MAP2K7: variants seen among roughly 807,000 people sequenced by gnomAD.
MAP2K7 encodes the protein dual specificity mitogen-activated protein kinase kinase 7.
In MAP2K7, 12 loss-of-function variants were observed where a neutral mutation model predicts 47.7. The observed-to-expected ratio is 0.25, with a 90% CI of 0.16 to 0.41. MAP2K7 has a LOEUF of 0.41. Ranked by LOEUF, MAP2K7 falls within the 10% of genes least tolerant of loss-of-function variation. The probability of loss-of-function intolerance (pLI) is 1.00; values close to 1 mark genes in which losing one functional copy is unlikely to be tolerated. For missense variants in MAP2K7, 415 were observed against 600.3 expected, an observed-to-expected ratio of 0.69 and a Z score of 3.23; for synonymous variants, 299 against 243.0, an observed-to-expected ratio of 1.23 and a Z score of -2.14.
At chr19:7,907,400 G>A (rs941366134) in intron 1 of MAP2K7, among the ~76,000 whole-genome samples, 6 of 152,208 alleles carry the variant, frequency 3.9e-5, no homozygotes, top group East Asian at 1.9e-4. Context: ...TTGTGCGTGC[G>A]TGCACTTGCA....
At chr19:7,909,335 G>A (rs767130307) in intron 1 of MAP2K7, among the ~76,000 whole-genome samples, 1 of 152,264 alleles carries the variant, frequency 6.6e-6, no homozygotes, top group Non-Finnish European at 1.5e-5. Context: ...GCCTGGGCCA[G>A]CCCTGGCAGG....
At position 7,912,437 on chromosome 19, in the gene MAP2K7, TGGC is replaced by T; in HGVS notation, c.*13_*15del. ...ACCTGCCCTTCTTCAGGTAGCTGCT[TGGC>T]GGCGGCCAGCCCCACAGGGGGCCAG... On this transcript the variant is annotated 3_prime_UTR_variant, in exon 11 of 11. Coordinates refer to ENST00000397979, the MANE Select transcript of MAP2K7 (RefSeq NM_145185.4). 1 of 1,608,590 alleles carries T rather than the reference TGGC, an allele frequency of 6.2e-7. No individual in the cohort carries two copies. The highest frequency in any genetic ancestry group is 1.3e-5 in the African/African-American group (1 of 74,998).
chr19:7,910,684 C>T lies in MAP2K7; in HGVS notation c.568-12C>T, dbSNP rs1001392655. 1 of 1,607,286 alleles carries T rather than the reference C, an allele frequency of 6.2e-7. No homozygotes were observed. Among genetic ancestry groups the T allele is most frequent in the Non-Finnish European group, 8.5e-7 (1 of 1,175,948 alleles). The stretch of plus-strand genomic sequence containing the variant: ...GAAGACACAGCTCCCCCGGGTGCCC[C>T]TCTCCCTGCAGACGGACGTCTTCAT... On this transcript the variant is annotated splice_polypyrimidine_tract_variant and intron_variant, in intron 5 of 10. Coordinates refer to ENST00000397979, the MANE Select transcript of MAP2K7 (RefSeq NM_145185.4).
intron 9 of MAP2K7, 99 bp from the exon 10 acceptor site, chr19:7,912,050 G>A: frequency 9.0e-7 from 1 of 1,114,196 alleles, no homozygotes; most frequent in Non-Finnish European, 1.3e-6. Context: ...CACACATCTT[G>A]GGGACCCCTG....
chr19:7,913,505 C>T lies in MAP2K7; in HGVS notation c.*1074C>T, dbSNP rs1017872987. On this transcript the variant is annotated 3_prime_UTR_variant, in exon 11 of 11. Transcript: ENST00000397979. ...GGGTTTGAGGACGTGTGACAAGCTC[C>T]AGCAGGGGTGGGGGCCGGGCTGAGG... 1 of 146,662 alleles carries T rather than the reference C, an allele frequency of 6.8e-6. No homozygotes were observed. The highest frequency in any genetic ancestry group is 1.5e-5 in the Non-Finnish European group (1 of 66,816). The allele number at this position is 146,662 out of a possible 1,614,324, so 9.1% of individuals were successfully genotyped here. A position where few individuals can be genotyped will look rare whatever the true frequency, so the allele number is the denominator to read the frequency against.
chr19:7,913,847 G>T lies in MAP2K7; in HGVS notation c.*1416G>T, dbSNP rs1345569414. 1 of 152,374 alleles carries T rather than the reference G, an allele frequency of 6.6e-6. No individual in the cohort carries two copies. Among genetic ancestry groups the T allele is most frequent in the East Asian group, 1.9e-4 (1 of 5,194 alleles). The allele number at this position is 152,374 out of a possible 1,614,324, so 9.4% of individuals were successfully genotyped here. Reference sequence around the variant, plus strand: ...GGCGCAGAAGCCGGCTGGCCGTGGTGGGGGCAGCGTAGGCGTAGCATCCCT... The same window carrying T: ...GGCGCAGAAGCCGGCTGGCCGTGGTTGGGGCAGCGTAGGCGTAGCATCCCT... On this transcript the variant is annotated 3_prime_UTR_variant, in exon 11 of 11. Coordinates refer to ENST00000397979, the MANE Select transcript of MAP2K7 (RefSeq NM_145185.4).
In MAP2K7 at chr19:7,912,489, C is replaced by G. The variant is rs1167165914; in HGVS notation, c.*58C>G. The stretch of plus-strand genomic sequence containing the variant: ...AGGGGCATGGCCACAGGCCCCCCTC[C>G]CCACTTGGCCACCCAGCTGCCTGCC... On this transcript the variant is annotated 3_prime_UTR_variant, in exon 11 of 11. Transcript: ENST00000397979. The G allele has an allele frequency of 6.5e-7, 1 of 1,540,180 alleles. No individual in the cohort carries two copies. The highest frequency in any genetic ancestry group is 8.7e-7 in the Non-Finnish European group (1 of 1,149,194).
chr19:7,912,826 T>TC lies in MAP2K7; in HGVS notation c.*397dup, dbSNP rs1221357385. On this transcript the variant is annotated 3_prime_UTR_variant, in exon 11 of 11. Transcript: ENST00000397979. ...GCCACTCCCACGCGCCCGTTCCTCT[T>TC]CCGTCGCCCTCTGTCCCCTGCTCTA... is the stretch of plus-strand genomic sequence containing the variant. 4.3e-6 allele frequency: 1 copy of TC among 233,922 alleles called. No homozygotes were observed. Among genetic ancestry groups the TC allele is most frequent in the Non-Finnish European group, 8.5e-6 (1 of 117,094 alleles). The allele number at this position is 233,922 out of a possible 1,614,324, so 14.5% of individuals were successfully genotyped here.
chr19:7,905,221 A>G (rs772920868), intron 1 of MAP2K7, among the ~76,000 whole-genome samples: 7 of 151,894 alleles, frequency 4.6e-5, no homozygotes, highest in Non-Finnish European at 8.8e-5. Context: ...TTCGTAGTTT[A>G]TTTAGTTCTC....
rs1203707965 is a variant in MAP2K7 at position 7,912,610 on chromosome 19, GC to G, written c.*182del. ...CCCGCCCCGGGCCTACCAAGCCCCC[GC>G]CCTTCCCACCCCGGGGTCAGCCGGC... On this transcript the variant is annotated 3_prime_UTR_variant, in exon 11 of 11. Transcript: ENST00000397979. 2.1e-5 allele frequency: 13 copies of G among 607,912 alleles called. No individual in the cohort carries two copies. The highest frequency in any genetic ancestry group is 4.9e-5 in the Admixed American group (1 of 20,508). The allele number at this position is 607,912 out of a possible 1,614,324, so 37.7% of individuals were successfully genotyped here.
intron 9 of MAP2K7, among the ~76,000 whole-genome samples, chr19:7,911,837 G>T (rs1982893580): frequency 6.6e-6 from 1 of 152,172 alleles, no homozygotes; most frequent in African/African-American, 2.4e-5. Context: ...GCACGCTTCT[G>T]CAACAAGCAC....
At chr19:7,908,750 TC>T (rs1425919608) in intron 1 of MAP2K7, among the ~76,000 whole-genome samples, 1 of 152,064 alleles carries the variant, frequency 6.6e-6, no homozygotes, top group Non-Finnish European at 1.5e-5. Flanking sequence ...CGGCCTCTGT[TC>T]CTGCACCCTG....
intron 1 of MAP2K7, chr19:7,904,379 AC>A: frequency 3.7e-6 from 1 of 271,270 alleles, no homozygotes; most frequent in Non-Finnish European, 7.7e-6. Context: ...CGCGACAGTG[AC>A]CACATCCAGG....
At position 7,910,140 on chromosome 19, in the gene MAP2K7, C is replaced by T; in HGVS notation, c.333+11C>T. ...ACCATCGGGGGCCAGGTACCACCTT[C>T]ACTGTGGCGGGGAGAGGGAGGAGGC... On this transcript the variant is annotated intron_variant, in intron 3 of 10. Coordinates refer to ENST00000397979, the MANE Select transcript of MAP2K7 (RefSeq NM_145185.4). 4.4e-6 allele frequency: 7 copies of T among 1,604,722 alleles called. No homozygotes were observed. Among genetic ancestry groups the T allele is most frequent in the Non-Finnish European group, 6.0e-6 (7 of 1,176,202 alleles).
chr19:7,904,553 C>T (rs1982318582), intron 1 of MAP2K7: 2 of 234,100 alleles, frequency 8.5e-6, no homozygotes, highest in South Asian at 6.6e-5. Context: ...CCTGAGGTTA[C>T]TTGACCACAT....
At position 7,914,300 on chromosome 19, in the gene MAP2K7, C is replaced by T. The variant is rs1179482858; in HGVS notation, c.*1869C>T. 6.6e-6 allele frequency: 1 copy of T among 152,472 alleles called. No homozygotes were observed. Among genetic ancestry groups the T allele is most frequent in the Admixed American group, 6.5e-5 (1 of 15,290 alleles). 9.4% of individuals were successfully genotyped at this position (152,472 alleles called of 1,614,324 possible). A position where few individuals can be genotyped will look rare whatever the true frequency, so the allele number is the denominator to read the frequency against. On this transcript the variant is annotated 3_prime_UTR_variant, in exon 11 of 11. Transcript: ENST00000397979. ...ACCTCCCCCCTCGTCACCAGCCATC[C>T]CTCTGGACCAGGCAGAGGGCGGACC...
intron 1 of MAP2K7, 26 bp from the exon 2 acceptor site, chr19:7,909,729 C>T: frequency 6.7e-7 from 1 of 1,497,686 alleles, no homozygotes; most frequent in Non-Finnish European, 9.0e-7. Context: ...GACCCCCCTC[C>T]CTGCCACTGG....
At chr19:7,910,942 G>A (rs1459984005) in intron 6 of MAP2K7, 38 bp from the exon 7 acceptor site, 1 of 1,597,530 alleles carries the variant, frequency 6.3e-7, no homozygotes, top group Non-Finnish European at 8.6e-7. Flanking sequence ...TTGGGTCTGT[G>A]CCCCCTGCCA....
chr19:7,912,630 A>G lies in MAP2K7; in HGVS notation c.*199A>G. The G allele has an allele frequency of 1.6e-6, 1 of 620,946 alleles. No homozygotes were observed. The highest frequency in any genetic ancestry group is 2.7e-6 in the Non-Finnish European group (1 of 370,478). 38.5% of individuals were successfully genotyped at this position (620,946 alleles called of 1,614,324 possible). Reference sequence around the variant, plus strand: ...CCCCCGCCCTTCCCACCCCGGGGTCAGCCGGCCGTGTGCGTCCCCCGACAG... The same window carrying G: ...CCCCCGCCCTTCCCACCCCGGGGTCGGCCGGCCGTGTGCGTCCCCCGACAG... On this transcript the variant is annotated 3_prime_UTR_variant, in exon 11 of 11. Transcript: ENST00000397979.
Sources: allele counts gnomAD v4.1 joint callset (sites outside exome capture counted in the v4.1 genomes callset), GRCh38; gene constraint gnomAD v4.1.1; transcripts MANE v1.5; gene names NCBI Gene and HGNC (gene_info 2026-07-23, HGNC 2026-07-21).